The following FRK variants were observed in gnomAD, a reference collection of about 807,000 sequenced individuals.
FRK encodes fyn related Src family tyrosine kinase, also known as tyrosine-protein kinase FRK.
FRK carries 51 observed loss-of-function variants against 56.4 expected under a neutral mutation model. The ratio of observed to expected loss-of-function variants is 0.90; its 90% confidence interval spans 0.72 to 1.14. The LOEUF (loss-of-function observed/expected upper bound fraction) is 1.14, where lower values mean the gene tolerates loss of function less well. Among genes scored for constraint, FRK ranks in the 50% most tolerant of loss-of-function variants. The probability of loss-of-function intolerance (pLI) is 0.00; values close to 1 mark genes in which losing one functional copy is unlikely to be tolerated. For missense variants in FRK, 570 were observed against 601.4 expected, an observed-to-expected ratio of 0.95 and a Z score of 0.55; for synonymous variants, 245 against 217.9, an observed-to-expected ratio of 1.12 and a Z score of -1.10.
intron 4 of FRK, among the ~76,000 whole-genome samples, chr6:115,958,724 A>AAAGAAAG (rs1773172346): frequency 3.6e-5 from 1 of 27,882 alleles, no homozygotes; most frequent in African/African-American, 1.3e-4. Flanking sequence ...AGAAAGAAAG[A>AAAGAAAG]AAGAAAGAAA....
chr6:115,948,387 G>A (rs1772550924), intron 5 of FRK, among the ~76,000 whole-genome samples: 1 of 152,168 alleles, frequency 6.6e-6, no homozygotes, highest in Non-Finnish European at 1.5e-5. Context: ...AAGAGGACCT[G>A]AACCAGGAGA....
chr6:116,051,331 T>A (rs1262409482), intron 1 of FRK, among the ~76,000 whole-genome samples: 1 of 152,072 alleles, frequency 6.6e-6, no homozygotes, highest in Admixed American at 6.6e-5. Flanking sequence ...CATCTGAATA[T>A]TAAAAATACG....
At position 116,055,922 on chromosome 6, in the gene FRK, A is replaced by G. The variant is rs1474439899; in HGVS notation, c.344+4046T>C. 4.6e-5 allele frequency among the ~76,000 whole-genome samples: 7 copies of G among 152,208 alleles called. No homozygotes were observed. In the East Asian group the frequency reaches 1.3e-3, roughly 29 times the overall value. On this transcript the variant is annotated intron_variant, in intron 1 of 7. Transcript: ENST00000606080. ...TGTATGGAGTCAGAAGTTCAGCAGC[A>G]CATTTCATTGTTGTTATCATAACTT... is the stretch of plus-strand genomic sequence containing the variant.
intron 1 of FRK, among the ~76,000 whole-genome samples, chr6:116,049,293 C>T (rs1477447230): frequency 6.6e-6 from 1 of 152,170 alleles, no homozygotes; most frequent in African/African-American, 2.4e-5. Context: ...CCCGAATACA[C>T]TTTTACTTTC....
the FRK span, among the ~76,000 whole-genome samples, chr6:116,066,161 C>T: frequency 1.3e-5 from 2 of 152,158 alleles, no homozygotes; most frequent in Non-Finnish European, 2.9e-5. Flanking sequence ...CTGGGGAAGG[C>T]AGACCCACCC....
intron 4 of FRK, among the ~76,000 whole-genome samples, chr6:115,965,235 C>T (rs1297596592): frequency 9.7e-5 from 13 of 134,632 alleles, no homozygotes; most frequent in African/African-American, 2.5e-4. Context: ...AAAAAGTGGG[C>T]GAAGGACATG....
chr6:116,002,639 C>G (rs1250854122), intron 2 of FRK: 2 of 451,388 alleles, frequency 4.4e-6, no homozygotes, highest in African/African-American at 4.0e-5. Flanking sequence ...ACACATCACA[C>G]ACAATCACAT....
rs1344642706 is a variant in FRK, at chr6:115,935,676, CCAT to C, written c.*6735_*6737del. ...AGCTTGGAGGGAGGAGGGCCGTCTG[CCAT>C]TGCTGAAGCTTGAGTAGGCATTTTA... On this transcript the variant is annotated 3_prime_UTR_variant, in exon 8 of 8. Coordinates refer to ENST00000606080, the MANE Select transcript of FRK (RefSeq NM_002031.3). The C allele has an allele frequency of 6.6e-6, 1 of 152,366 alleles. No homozygotes were observed. The highest frequency in any genetic ancestry group is 1.5e-5 in the Non-Finnish European group (1 of 68,180). The allele number at this position is 152,366 out of a possible 1,614,324, so 9.4% of individuals were successfully genotyped here.
chr6:115,979,375 C>T (rs1262139088), intron 2 of FRK, among the ~76,000 whole-genome samples: 2 of 151,866 alleles, frequency 1.3e-5, no homozygotes, highest in African/African-American at 4.8e-5. Context: ...TAGAAAAAAG[C>T]TTATAAAGAC....
chr6:116,038,572 T>C (rs1362537401), intron 1 of FRK, among the ~76,000 whole-genome samples: 1 of 152,238 alleles, frequency 6.6e-6, no homozygotes, highest in Non-Finnish European at 1.5e-5. Context: ...GTATCTGCTG[T>C]GAGGAAGCAA....
At chr6:116,071,690 T>C in the FRK span, among the ~76,000 whole-genome samples, 2 of 152,158 alleles carry the variant, frequency 1.3e-5, no homozygotes, top group African/African-American at 4.8e-5. Flanking sequence ...ATTTCAGTAG[T>C]CCTTGAGGCT....
the FRK span, among the ~76,000 whole-genome samples, chr6:116,067,404 T>A: frequency 2.6e-5 from 4 of 152,114 alleles, no homozygotes; most frequent in Admixed American, 2.0e-4. Context: ...TATTTATTTA[T>A]TTTTTGCAGC....
chr6:116,038,038 T>C (rs1776554008), intron 1 of FRK, among the ~76,000 whole-genome samples: 1 of 152,254 alleles, frequency 6.6e-6, no homozygotes, highest in South Asian at 2.1e-4. Context: ...ACAGTTAGAA[T>C]TGAAAAGCAA....
intron 2 of FRK, among the ~76,000 whole-genome samples, chr6:115,989,799 A>G (rs1394566004): frequency 6.6e-6 from 1 of 151,932 alleles, no homozygotes; most frequent in Non-Finnish European, 1.5e-5. Flanking sequence ...TTGTGTAAAT[A>G]CCCAGTAGTG....
At chr6:115,979,294 T>C (rs1234569690) in intron 2 of FRK, among the ~76,000 whole-genome samples, 3 of 152,032 alleles carry the variant, frequency 2.0e-5, no homozygotes, top group South Asian at 2.1e-4. Flanking sequence ...AGTCCAAAGG[T>C]CGTGTGTGTG....
chr6:115,942,559 C>T lies in FRK; in HGVS notation c.1373G>A (p.Cys458Tyr), dbSNP rs769360767. 2 of 1,613,660 alleles carry T rather than the reference C, an allele frequency of 1.2e-6. No individual in the cohort carries two copies. Among genetic ancestry groups the T allele is most frequent in the African/African-American group, 1.3e-5 (1 of 74,874 alleles). The change falls in exon 8 of 8, where the codon TGT becomes TAT. Residue 458 changes from cysteine (C) to tyrosine (Y), a missense_variant. Cys to Tyr is a radical substitution (Grantham distance 194). Transcript: ENST00000606080. ...QNYRLPQPSN[C>Y]PQQFYNIMLE... The stretch of plus-strand genomic sequence containing the variant: ...CATGATGTTGTAAAATTGCTGTGGA[C>T]AGTTGGATGGTTGCGGAAGTCTATA...
intron 1 of FRK, among the ~76,000 whole-genome samples, chr6:116,009,057 G>T (rs528463829): frequency 2.0e-5 from 3 of 152,188 alleles, no homozygotes; most frequent in Admixed American, 2.0e-4. Context: ...ACAGCAAAAG[G>T]AAAGTGACTA....
Position 115,942,156 on chromosome 6 carries a change from A to C in FRK, c.*258T>G. ...TAAATGGAAATGTAAGTATCTCTTAAAAAGAAAAATAACTTGGTTTAGTGT... is the reference window on the plus strand; with the variant it reads ...TAAATGGAAATGTAAGTATCTCTTACAAAGAAAAATAACTTGGTTTAGTGT... On this transcript the variant is annotated 3_prime_UTR_variant, in exon 8 of 8. Coordinates refer to ENST00000606080, the MANE Select transcript of FRK (RefSeq NM_002031.3). 1 of 338,826 alleles carries C rather than the reference A, an allele frequency of 3.0e-6. No individual in the cohort carries two copies. Among genetic ancestry groups the C allele is most frequent in the Non-Finnish European group, 5.5e-6 (1 of 181,218 alleles). The allele number at this position is 338,826 out of a possible 1,614,324, so 21.0% of individuals were successfully genotyped here. A position where few individuals can be genotyped will look rare whatever the true frequency, so the allele number is the denominator to read the frequency against.
At chr6:116,028,667 T>C (rs1257846668) in intron 1 of FRK, among the ~76,000 whole-genome samples, 1 of 152,142 alleles carries the variant, frequency 6.6e-6, no homozygotes, top group East Asian at 1.9e-4. Flanking sequence ...TTCCTGTGTG[T>C]ATGTCTGAGT....
Sources: allele counts gnomAD v4.1 joint callset (sites outside exome capture counted in the v4.1 genomes callset), GRCh38; gene constraint gnomAD v4.1.1; transcripts MANE v1.5; gene names NCBI Gene and HGNC (gene_info 2026-07-23, HGNC 2026-07-21).